The following POU6F2 variants were observed in gnomAD, a reference collection of about 807,000 sequenced individuals.
POU6F2 encodes POU class 6 homeobox 2, also known as POU domain, class 6, transcription factor 2.
In POU6F2, 31 loss-of-function variants were observed where a neutral mutation model predicts 71.3. The ratio of observed to expected loss-of-function variants is 0.43; its 90% CI spans 0.33 to 0.59. The LOEUF (loss-of-function observed/expected upper bound fraction) is 0.59, where lower values mean the gene tolerates loss of function less well. Ranked by LOEUF, POU6F2 falls within the 20% of genes least tolerant of loss-of-function variation. The pLI is 0.04. For synonymous variants in POU6F2, 347 were observed against 355.7 expected (o/e 0.98, Z 0.27); for missense variants, 783 against 856.8 (o/e 0.91, Z 1.07).
intron 2 of POU6F2, among the ~76,000 whole-genome samples, chr7:39,145,669 T>C (rs1792605923): frequency 6.6e-6 from 1 of 152,198 alleles, no homozygotes. Flanking sequence ...GGGCAATTTG[T>C]AGGGAAAGAA....
intron 1 of POU6F2, among the ~76,000 whole-genome samples, chr7:39,081,830 T>C (rs901861683): frequency 6.6e-6 from 1 of 152,212 alleles, no homozygotes; most frequent in Non-Finnish European, 1.5e-5. Flanking sequence ...ACCCCATGAA[T>C]TACTAAGTCC....
intron 4 of POU6F2, among the ~76,000 whole-genome samples, chr7:39,325,597 T>G (rs141594406): frequency 3.3e-5 from 5 of 152,320 alleles, no homozygotes; most frequent in Admixed American, 6.5e-5. Flanking sequence ...ACTTAACTTT[T>G]TTTAATCTGA....
At chr7:39,222,906 C>A (rs1794398145) in intron 4 of POU6F2, among the ~76,000 whole-genome samples, 1 of 152,128 alleles carries the variant, frequency 6.6e-6, no homozygotes, top group Non-Finnish European at 1.5e-5. Flanking sequence ...GGGGTATATA[C>A]CCAGAAGAGG....
intron 5 of POU6F2, among the ~76,000 whole-genome samples, chr7:39,398,707 C>G (rs1372913682): frequency 6.6e-6 from 1 of 152,168 alleles, no homozygotes; most frequent in Non-Finnish European, 1.5e-5. Context: ...AAAGGCCAGT[C>G]GGACTATCCC....
rs529884315 is a variant in POU6F2, at chr7:39,307,183, C to T, written c.599-32459C>T. ...GGCCAGCCACCACCTCTTAAAACAT[C>T]TTTTTGCTAGGTCAATATTTAATAG... On this transcript the variant is annotated intron_variant, in intron 4 of 9. Transcript: ENST00000518318. Among the ~76,000 whole-genome samples the T allele has an allele frequency of 2.5e-4, 38 of 152,174 alleles. 1 individual carries two copies. Among genetic ancestry groups the T allele is most frequent in the Non-Finnish European group, 5.1e-4 (35 of 68,020 alleles).
intron 2 of POU6F2, among the ~76,000 whole-genome samples, chr7:39,146,487 G>C (rs1410042638): frequency 1.3e-5 from 2 of 152,288 alleles, no homozygotes; most frequent in East Asian, 3.9e-4. Flanking sequence ...ATGAAAACAG[G>C]AAAGATAAAA....
intron 1 of POU6F2, among the ~76,000 whole-genome samples, chr7:39,008,857 GC>G (rs1456336239): frequency 6.7e-6 from 1 of 149,322 alleles, no homozygotes. Context: ...ATTTCTGAGG[GC>G]TCTGTTCTGT....
intron 5 of POU6F2, among the ~76,000 whole-genome samples, chr7:39,388,274 G>A (rs1455757505): frequency 6.6e-6 from 1 of 152,128 alleles, no homozygotes; most frequent in Non-Finnish European, 1.5e-5. Flanking sequence ...TGCTTCCATT[G>A]TTTGAATGTC....
At chr7:39,024,374 G>C (rs1177934028) in intron 1 of POU6F2, among the ~76,000 whole-genome samples, 1 of 152,050 alleles carries the variant, frequency 6.6e-6, no homozygotes, top group Non-Finnish European at 1.5e-5. Flanking sequence ...AGACTTTGCT[G>C]AAGTTGCTTA....
At chr7:39,200,808 A>G (rs1005195444) in intron 2 of POU6F2, among the ~76,000 whole-genome samples, 4 of 151,932 alleles carry the variant, frequency 2.6e-5, no homozygotes, top group Non-Finnish European at 5.9e-5. Flanking sequence ...CCAGGAGTTC[A>G]AGACCAGTAT....
At chr7:39,417,152 G>T (rs1347523170) in intron 6 of POU6F2, among the ~76,000 whole-genome samples, 1 of 152,042 alleles carries the variant, frequency 6.6e-6, no homozygotes, top group Non-Finnish European at 1.5e-5. Context: ...GAGCATTATC[G>T]GAGAGGAGAA....
chr7:39,098,159 C>A (rs1347335013), intron 2 of POU6F2, among the ~76,000 whole-genome samples: 1 of 151,904 alleles, frequency 6.6e-6, no homozygotes, highest in African/African-American at 2.4e-5. Flanking sequence ...ATTCTCCTCC[C>A]AAAATTCTTG....
intron 1 of POU6F2, among the ~76,000 whole-genome samples, chr7:39,015,212 G>T (rs891934143): frequency 6.9e-6 from 1 of 144,552 alleles, no homozygotes; most frequent in Admixed American, 7.1e-5. Context: ...GTGTAGGTCT[G>T]ATTTTATGTA....
chr7:39,406,414 CT>C (rs11354354), intron 5 of POU6F2, 185 bp from the exon 6 acceptor site: 214,070 of 631,092 alleles, frequency 0.34, 37,926 homozygotes, highest in East Asian at 0.58. Context: ...TCCTTCCAGC[CT>C]CGTTTCCATC....
intron 4 of POU6F2, among the ~76,000 whole-genome samples, chr7:39,254,265 GT>G (rs1320320938): frequency 6.6e-6 from 1 of 152,008 alleles, no homozygotes; most frequent in Non-Finnish European, 1.5e-5. Flanking sequence ...TTATTTTTTT[GT>G]TTAAACATTC....
At chr7:39,450,041 T>A (rs1395676002) in intron 7 of POU6F2, among the ~76,000 whole-genome samples, 2 of 152,230 alleles carry the variant, frequency 1.3e-5, no homozygotes, top group African/African-American at 4.8e-5. Flanking sequence ...GTTTCACGTG[T>A]GTACACATTT....
chr7:38,981,591 G>A (rs181005928), intron 1 of POU6F2, among the ~76,000 whole-genome samples: 17 of 152,250 alleles, frequency 1.1e-4, no homozygotes, highest in Admixed American at 9.2e-4. Flanking sequence ...TGCTGGGAGT[G>A]AGAGAGAGAC....
chr7:39,161,886 C>T (rs577611844), intron 2 of POU6F2, among the ~76,000 whole-genome samples: 3 of 152,304 alleles, frequency 2.0e-5, no homozygotes, highest in South Asian at 4.1e-4. Flanking sequence ...TCTCATGTGT[C>T]GTCATCTTAC....
At chr7:39,017,810 A>ATGTG (rs1323369998) in intron 1 of POU6F2, among the ~76,000 whole-genome samples, 4 of 49,994 alleles carry the variant, frequency 8.0e-5, no homozygotes, top group African/African-American at 1.4e-4. Context: ...CAGATTGTGC[A>ATGTG]TGCGTGTGTG....
Sources: allele counts gnomAD v4.1 joint callset (sites outside exome capture counted in the v4.1 genomes callset), GRCh38; gene constraint gnomAD v4.1.1; transcripts MANE v1.5; gene names NCBI Gene and HGNC (gene_info 2026-07-23, HGNC 2026-07-21).